GAK: variants seen among roughly 807,000 people sequenced by gnomAD.
The protein encoded by GAK is cyclin-G-associated kinase.
In GAK, 79 loss-of-function variants were observed where a neutral mutation model predicts 143.9. The observed-to-expected ratio is 0.55, with a 90% CI of 0.46 to 0.66. The LOEUF is 0.66. Among genes scored for constraint, GAK ranks in the 30% least tolerant of loss-of-function variants. The pLI, the probability that GAK is intolerant of heterozygous loss-of-function variation, is 0.00. For synonymous variants in GAK, 881 were observed against 765.5 expected (o/e 1.15, Z -2.49); for missense variants, 1,693 against 1,779.7 (o/e 0.95, Z 0.88).
intron 5 of GAK, 110 bp downstream of exon 5, chr4:904,527 G>C (rs1213786798): frequency 2.0e-5 from 17 of 837,446 alleles, no homozygotes; most frequent in South Asian, 1.9e-5. Context: ...CCCGCACACA[G>C]AGGCCTCAGC....
At chr4:923,434 C>G (rs541640080) in intron 1 of GAK, among the ~76,000 whole-genome samples, 1 of 152,064 alleles carries the variant, frequency 6.6e-6, no homozygotes, top group African/African-American at 2.4e-5. Context: ...TTTGGGAGGC[C>G]GAGGTGGGAG....
chr4:902,497 G>C (rs375915050), intron 5 of GAK, among the ~76,000 whole-genome samples: 113 of 150,604 alleles, frequency 7.5e-4, no homozygotes, highest in African/African-American at 2.7e-3. Context: ...AGCTACTCAG[G>C]AGGCTCAGGT....
intron 1 of GAK, among the ~76,000 whole-genome samples, chr4:920,437 T>C (rs1306339277): frequency 2.0e-5 from 3 of 151,780 alleles, no homozygotes; most frequent in Non-Finnish European, 4.4e-5. Flanking sequence ...GGATGTGCAT[T>C]GAACTCCTGG....
chr4:895,202 T>TGCA (rs1718539639), intron 7 of GAK, among the ~76,000 whole-genome samples: 1 of 152,188 alleles, frequency 6.6e-6, no homozygotes, highest in Non-Finnish European at 1.5e-5. Context: ...GGGCAGAAGC[T>TGCA]GCAGGAAGCA....
intron 11 of GAK, among the ~76,000 whole-genome samples, chr4:885,451 C>T (rs576789163): frequency 6.6e-6 from 1 of 152,340 alleles, no homozygotes; most frequent in South Asian, 2.1e-4. Flanking sequence ...AGCAAGCTGA[C>T]ACGCCTTAAG....
chr4:893,288 G>GCCTC, intron 9 of GAK, 89 bp downstream of exon 9: 1 of 929,112 alleles, frequency 1.1e-6, no homozygotes. Context: ...GCTCACATGT[G>GCCTC]CCTCCCTCCC....
intron 11 of GAK, among the ~76,000 whole-genome samples, chr4:885,171 G>A (rs186260806): frequency 1.9e-4 from 29 of 152,268 alleles, no homozygotes; most frequent in Non-Finnish European, 4.4e-5. Flanking sequence ...AAAGCAACAA[G>A]GGAAGACGGG....
chr4:891,757 G>A (rs547888539), intron 9 of GAK, among the ~76,000 whole-genome samples: 121 of 152,250 alleles, frequency 7.9e-4, no homozygotes, highest in Non-Finnish European at 1.3e-3. Flanking sequence ...GGAGTGGGCA[G>A]GCATTTTCTG....
chr4:871,013 G>T, intron 18 of GAK, 109 bp from the exon 19 acceptor site: 1 of 997,960 alleles, frequency 1.0e-6, no homozygotes, highest in Non-Finnish European at 1.4e-6. Flanking sequence ...TGCAGGCAGC[G>T]GGGCGAGAAC....
chr4:932,028 G>A lies in GAK; in HGVS notation c.145+15C>T. The A allele has an allele frequency of 3.2e-6, 5 of 1,557,206 alleles. No homozygotes were observed. The highest frequency in any genetic ancestry group is 3.5e-6 in the Non-Finnish European group (4 of 1,144,834). ...ACTCCGCGGCCGCACCCGCGCTGCC[G>A]ACCCGGGGCCTCACCTTCGGCCAGG... On this transcript the variant is annotated intron_variant, in intron 1 of 27. Coordinates refer to ENST00000314167, the MANE Select transcript of GAK (RefSeq NM_005255.4). The surrounding 1 kb of genome is among the most constrained non-coding windows in gnomAD (Gnocchi z 4.0).
Position 898,352 on chromosome 4 carries a change from G to A in GAK, c.526-194C>T, listed in dbSNP as rs990600178. On this transcript the variant is annotated intron_variant, in intron 5 of 27. Coordinates refer to ENST00000314167, the MANE Select transcript of GAK (RefSeq NM_005255.4). Reference sequence around the variant, plus strand: ...CTGCACCAGCAGCTCGGGGTGCAGGGGCCGCTCCAGGCCTAGGCAGAGGGG... The same window carrying A: ...CTGCACCAGCAGCTCGGGGTGCAGGAGCCGCTCCAGGCCTAGGCAGAGGGG... 3.9e-5 allele frequency among the ~76,000 whole-genome samples: 6 copies of A among 152,238 alleles called. No individual in the cohort carries two copies. The East Asian group carries it at 9.6e-4, about 24-fold the overall frequency.
chr4:850,183 G>T, intron 26 of GAK, 115 bp from the exon 27 acceptor site: 2 of 1,046,200 alleles, frequency 1.9e-6, no homozygotes, highest in Non-Finnish European at 2.7e-6. Flanking sequence ...GGTGGGCTCA[G>T]CCCGGCTCAC....
Position 849,327 on chromosome 4 carries a change from A to C in GAK, c.*346T>G. 2.9e-6 allele frequency: 1 copy of C among 342,050 alleles called. No individual in the cohort carries two copies. Among genetic ancestry groups the C allele is most frequent in the Non-Finnish European group, 5.5e-6 (1 of 180,234 alleles). 21.2% of individuals were successfully genotyped at this position (342,050 alleles called of 1,614,324 possible). A position where few individuals can be genotyped will look rare whatever the true frequency, so the allele number is the denominator to read the frequency against. On this transcript the variant is annotated 3_prime_UTR_variant, in exon 28 of 28. Coordinates refer to ENST00000314167, the MANE Select transcript of GAK (RefSeq NM_005255.4). Reference sequence around the variant, plus strand: ...ACAGACAACCACGGGACTGATTACAAAGTGCGGTGCAAACACCAGGGCCCA... The same window carrying C: ...ACAGACAACCACGGGACTGATTACACAGTGCGGTGCAAACACCAGGGCCCA...
chr4:915,034 C>A (rs1376080380), intron 1 of GAK, among the ~76,000 whole-genome samples: 1 of 134,436 alleles, frequency 7.4e-6, no homozygotes, highest in Admixed American at 7.5e-5. Flanking sequence ...CCAACACACA[C>A]AGCCCCAGCG....
At position 851,734 on chromosome 4, in the gene GAK, A is replaced by G; in HGVS notation, c.3508+16T>C. On this transcript the variant is annotated intron_variant, in intron 25 of 27. Coordinates refer to ENST00000314167, the MANE Select transcript of GAK (RefSeq NM_005255.4). Reference sequence around the variant, plus strand: ...GTCTCTGCAAACTCCACAGCAACAGAGAGTGGGGGACTCACCAAAGCTGGG... The same window carrying G: ...GTCTCTGCAAACTCCACAGCAACAGGGAGTGGGGGACTCACCAAAGCTGGG... 1 of 1,610,430 alleles carries G rather than the reference A, an allele frequency of 6.2e-7. No individual in the cohort carries two copies. Among genetic ancestry groups the G allele is most frequent in the Non-Finnish European group, 8.5e-7 (1 of 1,177,774 alleles).
At chr4:850,740 C>T in intron 26 of GAK, 196 bp downstream of exon 26, 1 of 486,032 alleles carries the variant, frequency 2.1e-6, no homozygotes, top group Non-Finnish European at 3.4e-6. Flanking sequence ...TCAGGCCACC[C>T]TGTCCTTGAG....
intron 15 of GAK, among the ~76,000 whole-genome samples, chr4:880,865 A>G (rs550645707): frequency 6.6e-6 from 1 of 152,314 alleles, no homozygotes; most frequent in African/African-American, 2.4e-5. Flanking sequence ...CACATGCCAC[A>G]GGGAAAGAGA....
chr4:893,640 A>C (rs1718121033), intron 8 of GAK, 151 bp from the exon 9 acceptor site: 1 of 744,172 alleles, frequency 1.3e-6, no homozygotes. Context: ...AGGGAAGAAC[A>C]AAAACCGAAC....
At chr4:925,664 G>T (rs1724598173) in intron 1 of GAK, among the ~76,000 whole-genome samples, 2 of 152,178 alleles carry the variant, frequency 1.3e-5, no homozygotes, top group South Asian at 2.1e-4. Context: ...GGCCATGAAG[G>T]TGGAGCCCTC....
Sources: allele counts gnomAD v4.1 joint callset (sites outside exome capture counted in the v4.1 genomes callset), GRCh38; gene constraint gnomAD v4.1.1; non-coding constraint Gnocchi (gnomAD v3.1); transcripts MANE v1.5; gene names NCBI Gene and HGNC (gene_info 2026-07-23, HGNC 2026-07-21).